The following MAPK10 variants were observed in gnomAD, a reference collection of about 807,000 sequenced individuals.
MAPK10 encodes the protein JNK3 alpha protein kinase.
A neutral mutation model predicts 59.3 loss-of-function variants in MAPK10; 25 were observed. The observed-to-expected ratio is 0.42, with a 90% confidence interval of 0.31 to 0.59. The LOEUF is 0.59. Ranked by LOEUF, MAPK10 falls within the 20% of genes least tolerant of loss-of-function variation. MAPK10 has a pLI of 0.15. For missense variants in MAPK10, 351 were observed against 568.9 expected, an observed-to-expected ratio of 0.62 and a Z score of 3.90; for synonymous variants, 190 against 200.5, an observed-to-expected ratio of 0.95 and a Z score of 0.44.
chr4:86,197,199 T>A (rs1467057227), intron 2 of MAPK10, among the ~76,000 whole-genome samples: 1 of 152,216 alleles, frequency 6.6e-6, no homozygotes, highest in Non-Finnish European at 1.5e-5. Flanking sequence ...GAGCATGGAA[T>A]GTTTTTCCAT....
chr4:86,230,562 T>C (rs2091391365), intron 2 of MAPK10, among the ~76,000 whole-genome samples: 1 of 152,240 alleles, frequency 6.6e-6, no homozygotes, highest in South Asian at 2.1e-4. Context: ...TATTGATCTA[T>C]ATGACTCATC....
chr4:86,575,194 CCCTGATTCTCA>C (rs1422536262), intron 1 of MAPK10, among the ~76,000 whole-genome samples: 2 of 152,186 alleles, frequency 1.3e-5, no homozygotes, highest in African/African-American at 2.4e-5. Flanking sequence ...ACTGATTCTC[CCCTGATTCTCA>C]GGCCTTCGGA....
At chr4:86,199,580 G>A (rs1475367691) in intron 2 of MAPK10, among the ~76,000 whole-genome samples, 1 of 151,958 alleles carries the variant, frequency 6.6e-6, no homozygotes, top group Non-Finnish European at 1.5e-5. Context: ...GATGAGGAGT[G>A]CCACTGGGAA....
chr4:86,240,388 C>T (rs28812808), intron 2 of MAPK10, among the ~76,000 whole-genome samples: 9 of 152,056 alleles, frequency 5.9e-5, no homozygotes, highest in Middle Eastern at 3.4e-3. Flanking sequence ...GCTGAGTTCA[C>T]GTCCCAAATA....
chr4:86,365,703 C>T (rs1251291062), intron 1 of MAPK10, among the ~76,000 whole-genome samples: 1 of 151,964 alleles, frequency 6.6e-6, no homozygotes, highest in Non-Finnish European at 1.5e-5. Context: ...AGCAGGTAAC[C>T]TCTGTTACAA....
intron 10 of MAPK10, among the ~76,000 whole-genome samples, chr4:86,066,806 T>C (rs965113323): frequency 1.3e-5 from 2 of 148,214 alleles, no homozygotes; most frequent in Non-Finnish European, 3.0e-5. Context: ...GGATTCTTCA[T>C]GAATAGGGTC....
intron 2 of MAPK10, among the ~76,000 whole-genome samples, chr4:86,294,211 A>T (rs1306238675): frequency 6.6e-6 from 1 of 152,058 alleles, no homozygotes; most frequent in East Asian, 1.9e-4. Flanking sequence ...TATGCCCTTT[A>T]GTGTCTTCTT....
intron 9 of MAPK10, among the ~76,000 whole-genome samples, chr4:86,084,056 A>T: frequency 6.6e-6 from 1 of 152,142 alleles, no homozygotes; most frequent in Non-Finnish European, 1.5e-5. Context: ...CAGCATACCC[A>T]GGTACTATGC....
At chr4:86,227,081 G>A (rs1394261258) in intron 2 of MAPK10, among the ~76,000 whole-genome samples, 1 of 152,128 alleles carries the variant, frequency 6.6e-6, no homozygotes, top group East Asian at 1.9e-4. Context: ...GTAACACAGA[G>A]CCCTTGATGA....
chr4:86,527,312 CAAAAAAAAAAAAA>C (rs57390422), intron 1 of MAPK10, among the ~76,000 whole-genome samples: 3 of 16,196 alleles, frequency 1.9e-4, no homozygotes, highest in Non-Finnish European at 4.2e-4. Flanking sequence ...ACACTGTTGC[CAAAAAAAAAAAAA>C]AAAAAAAAAA....
At chr4:86,563,107 A>G (rs1760802175) in intron 1 of MAPK10, among the ~76,000 whole-genome samples, 1 of 152,220 alleles carries the variant, frequency 6.6e-6, no homozygotes, top group Non-Finnish European at 1.5e-5. Context: ...CTTAGTAAAT[A>G]TTTGTGCGAT....
At chr4:86,128,706 A>G (rs986036170) in intron 4 of MAPK10, among the ~76,000 whole-genome samples, 17 of 152,172 alleles carry the variant, frequency 1.1e-4, no homozygotes, top group Middle Eastern at 3.4e-3. Context: ...CTATTTTTCC[A>G]TAAGTTTGAA....
chr4:86,223,017 C>T (rs1450869896), intron 2 of MAPK10, among the ~76,000 whole-genome samples: 1 of 152,226 alleles, frequency 6.6e-6, no homozygotes, highest in Non-Finnish European at 1.5e-5. Flanking sequence ...AGTCAAGAAT[C>T]ACTCTATCCC....
chr4:86,163,466 C>G (rs2070530970), intron 3 of MAPK10, among the ~76,000 whole-genome samples: 1 of 152,188 alleles, frequency 6.6e-6, no homozygotes, highest in Admixed American at 6.5e-5. Context: ...TGACTTTTCT[C>G]TAGTTATACA....
chr4:86,151,762 G>T (rs28594219), intron 4 of MAPK10, among the ~76,000 whole-genome samples: 34,603 of 151,978 alleles, frequency 0.23, 4,679 homozygotes, highest in African/African-American at 0.38. Flanking sequence ...AGAGAAGGGA[G>T]AATGTTAACA....
At position 86,101,043 on chromosome 4, in the gene MAPK10, C is replaced by T; in HGVS notation, c.730+9G>A. On this transcript the variant is annotated intron_variant, in intron 8 of 13. Coordinates refer to ENST00000641462, the MANE Select transcript of MAPK10 (RefSeq NM_138982.4). Reference sequence around the variant, plus strand: ...TGGTTTTGATGCTGCTCTCCCGAAGCATCCCTACCGTTCTCCTTGTAGCCC... The same window carrying T: ...TGGTTTTGATGCTGCTCTCCCGAAGTATCCCTACCGTTCTCCTTGTAGCCC... 1 of 1,612,254 alleles carries T rather than the reference C, an allele frequency of 6.2e-7. No individual in the cohort carries two copies. The highest frequency in any genetic ancestry group is 8.5e-7 in the Non-Finnish European group (1 of 1,178,800).
intron 2 of MAPK10, among the ~76,000 whole-genome samples, chr4:86,198,116 T>C (rs886844779): frequency 6.6e-6 from 1 of 152,156 alleles, no homozygotes. Context: ...TATTTCCGCA[T>C]GTTTTGCAAA....
At chr4:86,112,905 G>C (rs2057724797) in intron 4 of MAPK10, among the ~76,000 whole-genome samples, 1 of 151,884 alleles carries the variant, frequency 6.6e-6, no homozygotes, top group African/African-American at 2.4e-5. Flanking sequence ...CCTGTATTGG[G>C]TGCATATATA....
At chr4:86,337,774 C>T (rs1327654639) in intron 2 of MAPK10, among the ~76,000 whole-genome samples, 1 of 152,168 alleles carries the variant, frequency 6.6e-6, no homozygotes, top group African/African-American at 2.4e-5. Flanking sequence ...CTGAATATCA[C>T]CCAGAATTCC....
Sources: allele counts gnomAD v4.1 joint callset (sites outside exome capture counted in the v4.1 genomes callset), GRCh38; gene constraint gnomAD v4.1.1; transcripts MANE v1.5; gene names NCBI Gene and HGNC (gene_info 2026-07-23, HGNC 2026-07-21).